ALLC: variants seen among roughly 807,000 people sequenced by gnomAD.
The protein encoded by ALLC is probable inactive allantoicase.
ALLC carries 40 observed loss-of-function variants against 45.0 expected under a neutral mutation model. The ratio of observed to expected loss-of-function variants is 0.89; its 90% CI spans 0.69 to 1.16. The LOEUF is 1.16. Among genes scored for constraint, ALLC ranks in the 50% most tolerant of loss-of-function variants. ALLC has a pLI of 0.00. For missense variants in ALLC, 488 were observed against 493.1 expected (o/e 0.99, Z 0.10); for synonymous variants, 176 against 178.1 (o/e 0.99, Z 0.09).
intron 9 of ALLC, among the ~76,000 whole-genome samples, chr2:3,696,900 T>C (rs1293974676): frequency 6.6e-6 from 1 of 152,236 alleles, no homozygotes; most frequent in Non-Finnish European, 1.5e-5. Flanking sequence ...CTAAGTTAGA[T>C]TTCATGTCAC....
chr2:3,697,245 A>T lies in ALLC; in HGVS notation c.742-103A>T, dbSNP rs60015188. The stretch of plus-strand genomic sequence containing the variant: ...ACAGGAAACACTCTTCTATAGTAAG[A>T]AATAAAAGAAACACGTCAACCTTTT... On this transcript the variant is annotated intron_variant, in intron 9 of 11. Coordinates refer to ENST00000252505, the MANE Select transcript of ALLC (RefSeq NM_018436.4). The T allele has an allele frequency of 3.9e-3, 3,161 of 813,058 alleles. 34 individuals carry two copies. The highest frequency in any genetic ancestry group is 0.031 in the African/African-American group (1,852 of 58,826). 50.4% of individuals were successfully genotyped at this position (813,058 alleles called of 1,614,324 possible). A position where few individuals can be genotyped will look rare whatever the true frequency, so the allele number is the denominator to read the frequency against.
chr2:3,695,881 A>G lies in ALLC; in HGVS notation c.667+9A>G, dbSNP rs900841806. On this transcript the variant is annotated intron_variant, in intron 8 of 11. Coordinates refer to ENST00000252505, the MANE Select transcript of ALLC (RefSeq NM_018436.4). Reference sequence around the variant, plus strand: ...CCCAAACAATATAATAGGTAAGATGATATTCTTGGAGCTGGCTTATTTAGG... The same window carrying G: ...CCCAAACAATATAATAGGTAAGATGGTATTCTTGGAGCTGGCTTATTTAGG... 3 of 1,596,108 alleles carry G rather than the reference A, an allele frequency of 1.9e-6. No individual in the cohort carries two copies. Among genetic ancestry groups the G allele is most frequent in the African/African-American group, 1.4e-5 (1 of 73,966 alleles).
intron 1 of ALLC, among the ~76,000 whole-genome samples, chr2:3,668,001 G>C (rs1371957676): frequency 6.6e-6 from 1 of 152,202 alleles, no homozygotes; most frequent in Non-Finnish European, 1.5e-5. Context: ...CCGACCTCAG[G>C]TGATCTGCCC....
chr2:3,652,580 A>ATT, the ALLC span, among the ~76,000 whole-genome samples: 233 of 93,344 alleles, frequency 2.5e-3, 4 homozygotes, highest in East Asian at 0.015. Context: ...AAACTTTGTG[A>ATT]TTTTTTTTTT....
the ALLC span, among the ~76,000 whole-genome samples, chr2:3,648,483 TCCCTGGCTGCCCCAGGTCCA>T: frequency 2.6e-4 from 40 of 152,186 alleles, no homozygotes; most frequent in Non-Finnish European, 5.6e-4. Context: ...CCACAAAGCC[TCCCTGGCTGCCCCAGGTCCA>T]CCAGTCCTGG....
chr2:3,685,827 AT>A (rs900797253), intron 7 of ALLC, among the ~76,000 whole-genome samples: 1 of 150,414 alleles, frequency 6.6e-6, no homozygotes, highest in South Asian at 2.1e-4. Context: ...TTTATAAATT[AT>A]TTTTTTTGCT....
At position 3,680,681 on chromosome 2, in the gene ALLC, G is replaced by A. The variant is rs1474602022; in HGVS notation, c.298+687G>A. ...GTAAATCTCTGCACTGTTACTGCCCGGACTCAGGGCTCACATGCTGTAGGG... is the reference window on the plus strand; with the variant it reads ...GTAAATCTCTGCACTGTTACTGCCCAGACTCAGGGCTCACATGCTGTAGGG... On this transcript the variant is annotated intron_variant, in intron 5 of 11. Transcript: ENST00000252505. The surrounding 1 kb of genome is among the most constrained non-coding windows in gnomAD (Gnocchi z 4.0). Among the ~76,000 whole-genome samples the A allele has an allele frequency of 1.3e-5, 2 of 152,152 alleles. No homozygotes were observed. The highest frequency in any genetic ancestry group is 4.8e-5 in the African/African-American group (2 of 41,432).
At chr2:3,666,001 T>C (rs1432153273) in intron 1 of ALLC, among the ~76,000 whole-genome samples, 1 of 152,202 alleles carries the variant, frequency 6.6e-6, no homozygotes, top group Admixed American at 6.5e-5. Context: ...GCCTCTGGTA[T>C]ATGCATGTAA....
At chr2:3,653,878 C>T (rs925507429), upstream of ALLC, among the ~76,000 whole-genome samples, 3 of 152,218 alleles carry the variant, frequency 2.0e-5, no homozygotes, top group Non-Finnish European at 4.4e-5. The surrounding 1 kb of genome is among the most constrained non-coding windows in gnomAD (Gnocchi z 4.1). Context: ...CCTCATCCCC[C>T]ATCAGGCTTC....
chr2:3,678,260 A>G (rs1667077426), intron 3 of ALLC, among the ~76,000 whole-genome samples: 1 of 152,236 alleles, frequency 6.6e-6, no homozygotes, highest in African/African-American at 2.4e-5. Flanking sequence ...AGGCCCACAA[A>G]GAAGTCACAT....
chr2:3,647,898 T>C, the ALLC span, among the ~76,000 whole-genome samples: 65 of 152,318 alleles, frequency 4.3e-4, no homozygotes, highest in Middle Eastern at 3.4e-3. Context: ...TGAGACCCTA[T>C]CTGTAGGGGA....
chr2:3,697,591 C>A (rs1458862205), intron 10 of ALLC, 135 bp downstream of exon 10: 6 of 628,880 alleles, frequency 9.5e-6, no homozygotes, highest in Non-Finnish European at 1.7e-5. Flanking sequence ...TTTGAGCATG[C>A]TACTTTAACC....
At chr2:3,679,790 A>G (rs2148006071) in intron 4 of ALLC, 79 bp from the exon 5 acceptor site, 1 of 1,589,086 alleles carries the variant, frequency 6.3e-7, no homozygotes, top group South Asian at 1.1e-5. Flanking sequence ...GGTCAGGTGC[A>G]TGTGGGGTGC....
intron 7 of ALLC, 105 bp from the exon 8 acceptor site, chr2:3,695,612 A>C: frequency 7.3e-7 from 1 of 1,374,708 alleles, no homozygotes. Flanking sequence ...GGTGTGGCCA[A>C]AGCCTACCAA....
At chr2:3,670,144 T>C (rs1666826146) in intron 1 of ALLC, among the ~76,000 whole-genome samples, 1 of 152,220 alleles carries the variant, frequency 6.6e-6, no homozygotes. Context: ...TTCGTGCTCC[T>C]GACCACAGAC....
chr2:3,684,552 CT>C lies in ALLC; in HGVS notation c.511+1479del, dbSNP rs776999152. 4.6e-5 allele frequency among the ~76,000 whole-genome samples: 7 copies of C among 152,220 alleles called. No individual in the cohort carries two copies. The South Asian group carries it at 1.5e-3, about 32-fold the overall frequency. ...GTGTACACTGTATCCAATGTGTAGC[CT>C]GTTATCCCTCACCCCCCACCCTTCC... is the stretch of plus-strand genomic sequence containing the variant. On this transcript the variant is annotated intron_variant, in intron 7 of 11. Transcript: ENST00000252505.
intron 11 of ALLC, among the ~76,000 whole-genome samples, chr2:3,702,034 A>G (rs942481448): frequency 2.6e-5 from 4 of 152,184 alleles, no homozygotes; most frequent in African/African-American, 9.7e-5. Flanking sequence ...TCCCATGTAA[A>G]GATAGGAAAT....
At position 3,701,557 on chromosome 2, in the gene ALLC, C is replaced by G; in HGVS notation, c.896C>G (p.Thr299Ser). ...SCKVDGCILTTQEEEAVIRQK... is the reference protein window; with the variant it reads ...SCKVDGCILTSQEEEAVIRQK... ...AAAGTGGATGGGTGCATCCTGACAA[C>G]TCAGGAAGAAGAAGCCGTGATCAGG... is the stretch of plus-strand genomic sequence containing the variant. The change falls in exon 11 of 12, where the codon ACT (threonine) becomes AGT (serine). Residue 299 changes from threonine to serine, a missense_variant. By Grantham distance (58) the Thr-to-Ser change is moderately conservative (BLOSUM62 1). Coordinates refer to ENST00000252505, the MANE Select transcript of ALLC (RefSeq NM_018436.4). The G allele has an allele frequency of 1.3e-6, 2 of 1,569,706 alleles. No individual in the cohort carries two copies. The highest frequency in any genetic ancestry group is 1.7e-6 in the Non-Finnish European group (2 of 1,162,946).
intron 6 of ALLC, among the ~76,000 whole-genome samples, 182 bp from the exon 7 acceptor site, chr2:3,682,760 T>C (rs529226178): frequency 5.5e-4 from 83 of 152,236 alleles, no homozygotes; most frequent in East Asian, 1.4e-3. Context: ...CTCCTGACCT[T>C]GTGATCCGCC....
Sources: gnomAD v4.1 joint callset for allele counts (sites outside exome capture counted in the v4.1 genomes callset) on GRCh38, gnomAD v4.1.1 for gene constraint, Gnocchi (gnomAD v3.1) non-coding constraint, MANE v1.5 for transcripts, NCBI Gene and HGNC (gene_info 2026-07-23, HGNC 2026-07-21) for gene names.